Variants in HECW2 observed in about 807,000 individuals in gnomAD.
HECW2 encodes HECT, C2 and WW domain containing E3 ubiquitin protein ligase 2.
A neutral mutation model predicts 175.2 loss-of-function variants in HECW2; 61 were observed. The observed-to-expected ratio is 0.35, with a 90% CI of 0.28 to 0.43. The LOEUF (loss-of-function observed/expected upper bound fraction) is 0.43. Among genes scored for constraint, HECW2 ranks in the 20% least tolerant of loss-of-function variants. HECW2 has a pLI of 1.00. For missense variants in HECW2, 1,524 were observed against 2,000.5 expected (o/e 0.76, Z 4.54); for synonymous variants, 671 against 731.0 (o/e 0.92, Z 1.32).
intron 1 of HECW2, among the ~76,000 whole-genome samples, chr2:196,447,967 G>A (rs558473821): frequency 1.3e-5 from 2 of 152,190 alleles, no homozygotes; most frequent in Non-Finnish European, 2.9e-5. Context: ...GCTGAGACAG[G>A]AGAATCACTT....
chr2:196,395,594 A>G (rs1052594024), intron 2 of HECW2, among the ~76,000 whole-genome samples: 6 of 152,214 alleles, frequency 3.9e-5, no homozygotes, highest in African/African-American at 1.2e-4. Flanking sequence ...ACAAATGACC[A>G]CTAAGCACAT....
At chr2:196,330,422 G>A (rs1692315694) in intron 4 of HECW2, among the ~76,000 whole-genome samples, 1 of 152,190 alleles carries the variant, frequency 6.6e-6, no homozygotes, top group African/African-American at 2.4e-5. Flanking sequence ...ATACCCAAAT[G>A]TGGGAAATAG....
chr2:196,526,511 T>C (rs1005706729), intron 1 of HECW2, among the ~76,000 whole-genome samples: 3 of 152,144 alleles, frequency 2.0e-5, no homozygotes, highest in African/African-American at 4.8e-5. Flanking sequence ...CTTTGTTCCA[T>C]TGCTGGTGAG....
At position 196,240,463 on chromosome 2, in the gene HECW2, G is replaced by A. The variant is rs751923902; in HGVS notation, c.3750C>T (p.Phe1250=). ...GTTCTACTCACCCTTCCTCCCCAAC[G>A]AAGGTGACATATAGCTTATTTCTCT... ...DLQRNKLYVT[F]VGEEGLDYSG... Residue 1250 remains phenylalanine, a synonymous_variant, in exon 21 of 29, where the codon TTC becomes TTT. Transcript: ENST00000644978. The A allele has an allele frequency of 1.1e-5, 18 of 1,608,756 alleles. No individual in the cohort carries two copies. Among genetic ancestry groups the A allele is most frequent in the Admixed American group, 1.7e-5 (1 of 58,440 alleles).
chr2:196,437,609 C>A (rs1695916188), intron 1 of HECW2, among the ~76,000 whole-genome samples: 1 of 1,012 alleles, frequency 9.9e-4, no homozygotes, highest in East Asian at 0.17. Flanking sequence ...GAGACTCTGT[C>A]TCAAAAAAAA....
chr2:196,419,314 A>G (rs1695345374), intron 2 of HECW2, among the ~76,000 whole-genome samples: 1 of 152,216 alleles, frequency 6.6e-6, no homozygotes, highest in African/African-American at 2.4e-5. Flanking sequence ...CGGAATTCAG[A>G]CAGAAAAAGG....
At chr2:196,521,650 A>T (rs1340586701) in intron 1 of HECW2, among the ~76,000 whole-genome samples, 2 of 119,156 alleles carry the variant, frequency 1.7e-5, no homozygotes, top group Admixed American at 1.0e-4. Flanking sequence ...ACCCCACCAC[A>T]GTCCCCAGAG....
chr2:196,547,463 T>C (rs995485864), intron 1 of HECW2, among the ~76,000 whole-genome samples: 1 of 152,238 alleles, frequency 6.6e-6, no homozygotes, highest in African/African-American at 2.4e-5. Context: ...TCATAGACTC[T>C]ATCAAACTTA....
intron 13 of HECW2, among the ~76,000 whole-genome samples, chr2:196,300,694 C>CTATACACACATATA (rs1691013281): frequency 6.6e-6 from 1 of 151,662 alleles, no homozygotes; most frequent in Admixed American, 6.6e-5. Flanking sequence ...ATATCTATAT[C>CTATACACACATATA]TATACACATA....
intron 1 of HECW2, among the ~76,000 whole-genome samples, chr2:196,469,114 TGTGTGC>T (rs1242650554): frequency 2.7e-4 from 24 of 88,796 alleles, no homozygotes; most frequent in South Asian, 2.5e-3. Flanking sequence ...TGTGTGTGTG[TGTGTGC>T]GTGTGTGTGT....
At chr2:196,321,164 T>C (rs1691926272) in intron 7 of HECW2, among the ~76,000 whole-genome samples, 1 of 152,190 alleles carries the variant, frequency 6.6e-6, no homozygotes, top group South Asian at 2.1e-4. Flanking sequence ...GATGGGATGG[T>C]TGGCAAAGCC....
chr2:196,484,591 C>A (rs1161274019), intron 1 of HECW2, among the ~76,000 whole-genome samples: 1 of 152,208 alleles, frequency 6.6e-6, no homozygotes, highest in Non-Finnish European at 1.5e-5. Context: ...TTATCCTTCA[C>A]TGCCCTATAG....
intron 21 of HECW2, among the ~76,000 whole-genome samples, chr2:196,230,400 A>G (rs1222924488): frequency 6.6e-6 from 1 of 152,206 alleles, no homozygotes; most frequent in Non-Finnish European, 1.5e-5. Flanking sequence ...ATGGGGTGCT[A>G]ATCTAGATCC....
At chr2:196,249,872 G>C (rs1281518060) in intron 19 of HECW2, among the ~76,000 whole-genome samples, 1 of 152,172 alleles carries the variant, frequency 6.6e-6, no homozygotes, top group African/African-American at 2.4e-5. Flanking sequence ...CACAAACACT[G>C]CTAGCAATTT....
intron 2 of HECW2, among the ~76,000 whole-genome samples, chr2:196,392,388 C>G (rs926077910): frequency 6.6e-6 from 1 of 152,128 alleles, no homozygotes; most frequent in African/African-American, 2.4e-5. Flanking sequence ...GCTGTGTAAC[C>G]TATCAGGCTC....
intron 1 of HECW2, among the ~76,000 whole-genome samples, chr2:196,484,720 A>AC (rs1243586357): frequency 5.3e-5 from 8 of 151,618 alleles, no homozygotes; most frequent in South Asian, 2.1e-4. Flanking sequence ...CCCCTAATAC[A>AC]CCCCATGCCA....
chr2:196,212,410 C>T (rs1353438919), intron 28 of HECW2, among the ~76,000 whole-genome samples: 2 of 152,114 alleles, frequency 1.3e-5, no homozygotes, highest in African/African-American at 4.8e-5. Context: ...TCCTTGTGTT[C>T]TCATCATTTA....
Position 196,426,718 on chromosome 2 carries a change from C to T in HECW2, c.292+6414G>A, listed in dbSNP as rs114032932. On this transcript the variant is annotated intron_variant, in intron 2 of 28. Transcript: ENST00000644978. ...TCAGCACAGGAAAGAAAAATGAAGA[C>T]TTGGAACATAGGACACTGAAGTTCC... 2.9e-3 allele frequency among the ~76,000 whole-genome samples: 439 copies of T among 152,224 alleles called. 1 individual carries two copies. The highest frequency in any genetic ancestry group is 9.5e-3 in the African/African-American group (396 of 41,570).
At chr2:196,258,939 T>C (rs1689175112) in intron 17 of HECW2, among the ~76,000 whole-genome samples, 2 of 152,296 alleles carry the variant, frequency 1.3e-5, no homozygotes, top group South Asian at 4.1e-4. Flanking sequence ...GCAACTTGTT[T>C]TTCTACTTGA....
Sources: allele counts gnomAD v4.1 joint callset (sites outside exome capture counted in the v4.1 genomes callset), GRCh38; gene constraint gnomAD v4.1.1; transcripts MANE v1.5; gene names NCBI Gene and HGNC (gene_info 2026-07-23, HGNC 2026-07-21).